Variants in IQSEC1 observed in about 807,000 individuals in gnomAD.
IQSEC1 encodes IQ motif and SEC7 domain-containing protein 1.
IQSEC1 carries 31 observed loss-of-function variants against 91.0 expected under a neutral mutation model. The ratio of observed to expected loss-of-function variants is 0.34; its 90% confidence interval spans 0.26 to 0.46. The LOEUF is 0.46. IQSEC1 is among the 20% of genes least tolerant of loss of function. IQSEC1 has a pLI of 1.00. For synonymous variants in IQSEC1, 699 were observed against 662.6 expected (o/e 1.05, Z -0.84); for missense variants, 1,388 against 1,575.6 (o/e 0.88, Z 2.02).
In IQSEC1 at chr3:13,249,329, G is replaced by A. The variant is rs1343904299; in HGVS notation, c.272+33382C>T. Among the ~76,000 whole-genome samples, 5 of 151,776 alleles carry A rather than the reference G, an allele frequency of 3.3e-5. No homozygotes were observed. In the East Asian group the frequency reaches 7.7e-4, roughly 24 times the overall value. On this transcript the variant is annotated intron_variant, in intron 1 of 15. Coordinates refer to the IQSEC1 transcript ENST00000648114. ...TGGGACTACAGGCACCCGCCAGCACGCCCGGCTAATTTTTTTGTATTTTTA... is the reference window on the plus strand; with the variant it reads ...TGGGACTACAGGCACCCGCCAGCACACCCGGCTAATTTTTTTGTATTTTTA...
At chr3:12,902,400 G>A (rs1341078314) in intron 13 of IQSEC1, among the ~76,000 whole-genome samples, 1 of 151,606 alleles carries the variant, frequency 6.6e-6, no homozygotes, top group Non-Finnish European at 1.5e-5. Context: ...TGGGAGCCGG[G>A]TGGCCCGGGC....
chr3:13,173,659 A>T (rs1365599586), intron 1 of IQSEC1, among the ~76,000 whole-genome samples: 2 of 152,196 alleles, frequency 1.3e-5, no homozygotes, highest in African/African-American at 4.8e-5. Context: ...AACCCCCTGA[A>T]GATCTTCATG....
intron 1 of IQSEC1, among the ~76,000 whole-genome samples, chr3:13,264,418 T>C (rs1307414971): frequency 6.6e-6 from 1 of 152,166 alleles, no homozygotes; most frequent in African/African-American, 2.4e-5. Context: ...CCTGCTCTCC[T>C]GGGTCTCGGT....
intron 1 of IQSEC1, among the ~76,000 whole-genome samples, chr3:13,226,893 G>C (rs1399558815): frequency 3.3e-5 from 5 of 152,052 alleles, no homozygotes; most frequent in Admixed American, 3.3e-4. Flanking sequence ...TCACCTCCAG[G>C]CACAGCCTCC....
chr3:13,228,170 G>A (rs920816456), intron 1 of IQSEC1, among the ~76,000 whole-genome samples: 6 of 152,108 alleles, frequency 3.9e-5, no homozygotes, highest in African/African-American at 1.2e-4. Flanking sequence ...GAGTGCCCAG[G>A]TGCCATCACC....
At chr3:13,053,233 A>C (rs1165815522) in intron 1 of IQSEC1, 3 of 610,902 alleles carry the variant, frequency 4.9e-6, no homozygotes, top group Admixed American at 5.2e-5. Flanking sequence ...CCATCCTTCC[A>C]TGAGCTTCTC....
Position 12,909,152 on chromosome 3 carries a change from G to A in IQSEC1, c.2578+121C>T. ...GCCCCATCATGTGGCCATAGGGAAG[G>A]CCAGAAAAGACTGGGGGACATCTTG... On this transcript the variant is annotated intron_variant, in intron 11 of 13. Coordinates refer to ENST00000613206, the MANE Select transcript of IQSEC1 (RefSeq NM_001134382.3). The surrounding 1 kb of genome is among the most constrained non-coding windows in gnomAD (Gnocchi z 4.9). 9.4e-7 allele frequency: 1 copy of A among 1,068,668 alleles called. No individual in the cohort carries two copies. Among genetic ancestry groups the A allele is most frequent in the Non-Finnish European group, 1.4e-6 (1 of 722,740 alleles). 66.2% of individuals were successfully genotyped at this position (1,068,668 alleles called of 1,614,324 possible).
chr3:13,187,118 C>T (rs577790279), intron 1 of IQSEC1, among the ~76,000 whole-genome samples: 43 of 152,166 alleles, frequency 2.8e-4, no homozygotes, highest in Non-Finnish European at 5.7e-4. Flanking sequence ...ATCCACCCAT[C>T]CACCCACACA....
rs1249654546 is a variant in IQSEC1 at position 13,193,614 on chromosome 3, G to C, written c.273-29481C>G. ...TAGGGGGTGAGGAGAGAAGTATCAT[G>C]AGTTCAGTTTGGGGTGTGCCAAGCT... On this transcript the variant is annotated intron_variant, in intron 1 of 15. Coordinates refer to the IQSEC1 transcript ENST00000648114. The surrounding 1 kb of genome is among the most constrained non-coding windows in gnomAD (Gnocchi z 4.2). 3.3e-5 allele frequency among the ~76,000 whole-genome samples: 5 copies of C among 152,190 alleles called. No homozygotes were observed. Among genetic ancestry groups the C allele is most frequent in the Non-Finnish European group, 7.3e-5 (5 of 68,028 alleles).
intron 1 of IQSEC1, among the ~76,000 whole-genome samples, chr3:13,040,822 T>A (rs543104420): frequency 5.8e-4 from 88 of 152,274 alleles, no homozygotes; most frequent in African/African-American, 2.0e-3. Context: ...GGCTCAGCTG[T>A]CACCTCCTCC....
intron 1 of IQSEC1, among the ~76,000 whole-genome samples, chr3:12,985,404 A>T (rs1701678290): frequency 1.3e-5 from 2 of 151,928 alleles, no homozygotes; most frequent in South Asian, 4.2e-4. Flanking sequence ...CTAGATCCAG[A>T]TCTGCTGGAG....
At chr3:13,139,888 C>G (rs1706772550) in intron 2 of IQSEC1, among the ~76,000 whole-genome samples, 1 of 152,166 alleles carries the variant, frequency 6.6e-6, no homozygotes, top group African/African-American at 2.4e-5. Flanking sequence ...AGAACCCTGC[C>G]ATTATCCTCA....
At chr3:13,109,886 T>G in intron 2 of IQSEC1, among the ~76,000 whole-genome samples, 1 of 145,070 alleles carries the variant, frequency 6.9e-6, no homozygotes, top group East Asian at 2.0e-4. Flanking sequence ...GATAAATTCT[T>G]TTTTTTTTTT....
intron 8 of IQSEC1, 145 bp from the exon 9 acceptor site, chr3:12,913,698 A>G: frequency 1.5e-6 from 1 of 658,246 alleles, no homozygotes; most frequent in Non-Finnish European, 2.4e-6. Context: ...ACAGACATTG[A>G]AGAGCAGATA....
At chr3:12,993,625 C>G (rs1166307211) in intron 1 of IQSEC1, among the ~76,000 whole-genome samples, 1 of 152,226 alleles carries the variant, frequency 6.6e-6, no homozygotes, top group Non-Finnish European at 1.5e-5. Flanking sequence ...CCTCCCCGAC[C>G]CCCAATATCG....
rs545731774 is a variant in IQSEC1 at position 12,987,701 on chromosome 3, G to A, written c.24-45836C>T. Among the ~76,000 whole-genome samples the A allele has an allele frequency of 4.6e-5, 7 of 152,314 alleles. No individual in the cohort carries two copies. The South Asian group carries it at 8.3e-4, about 18-fold the overall frequency. On this transcript the variant is annotated intron_variant, in intron 1 of 13. Transcript: ENST00000613206. ...GAGGTCTACAATGTGGATAACTGAC[G>A]AAGGATTAGAATCTGTAGCACCCAA...
At chr3:13,036,713 C>G (rs1704049175) in intron 1 of IQSEC1, among the ~76,000 whole-genome samples, 1 of 152,226 alleles carries the variant, frequency 6.6e-6, no homozygotes, top group African/African-American at 2.4e-5. Context: ...ATCCCGTCCA[C>G]TGAGCTCCCT....
At chr3:13,118,458 C>A (rs1340417093) in intron 2 of IQSEC1, among the ~76,000 whole-genome samples, 1 of 152,172 alleles carries the variant, frequency 6.6e-6, no homozygotes, top group Non-Finnish European at 1.5e-5. Context: ...TCCATATATA[C>A]AACAGAGTAT....
rs561367249 is a variant in IQSEC1 at position 13,008,747 on chromosome 3, C to T, written c.23+64245G>A. On this transcript the variant is annotated intron_variant, in intron 1 of 13. Coordinates refer to ENST00000613206, the MANE Select transcript of IQSEC1 (RefSeq NM_001134382.3). This position sits in a 1 kb window ranked among gnomAD's most constrained non-coding sequence, Gnocchi z 4.1. ...GGGCACACAGTCAATATTAGTTGGT[C>T]GAGTTACTGATAGAACAACGCTCTT... is the stretch of plus-strand genomic sequence containing the variant. Among the ~76,000 whole-genome samples the T allele has an allele frequency of 6.6e-6, 1 of 152,240 alleles. No individual in the cohort carries two copies. Among genetic ancestry groups the T allele is most frequent in the East Asian group, 1.9e-4 (1 of 5,180 alleles).
Sources: allele counts gnomAD v4.1 joint callset (sites outside exome capture counted in the v4.1 genomes callset), GRCh38; gene constraint gnomAD v4.1.1; non-coding constraint Gnocchi (gnomAD v3.1); transcripts MANE v1.5; gene names NCBI Gene and HGNC (gene_info 2026-07-23, HGNC 2026-07-21).